Variants in HTR2C observed in about 807,000 individuals in gnomAD.
HTR2C encodes 5-hydroxytryptamine receptor 2C, also known as 5-hydroxytryptamine (serotonin) receptor 2C, G protein-coupled.
Under a neutral mutation model 21.0 loss-of-function variants are expected in HTR2C, and 5 were observed. The ratio of observed to expected loss-of-function variants is 0.24; its 90% CI spans 0.12 to 0.50. The LOEUF (loss-of-function observed/expected upper bound fraction) is 0.50. HTR2C is among the 20% of genes least tolerant of loss of function. The pLI is 0.98. For missense variants in HTR2C, 271 were observed against 371.2 expected (o/e 0.73, Z 2.22); for synonymous variants, 150 against 145.3 (o/e 1.03, Z -0.23).
At chrX:114,833,084 C>A (rs2070744832) in intron 4 of HTR2C, among the ~76,000 whole-genome samples, 1 of 90,120 alleles carries the variant, frequency 1.1e-5, no homozygotes, top group Non-Finnish European at 2.2e-5. Context: ...TTTTGATGTG[C>A]TGCTGGATTC....
intron 4 of HTR2C, among the ~76,000 whole-genome samples, chrX:114,746,194 G>A (rs1238394893): frequency 1.8e-5 from 2 of 110,758 alleles, no homozygotes; most frequent in African/African-American, 3.3e-5. Flanking sequence ...TGTACATTTC[G>A]GGAAGAAAAA....
intron 4 of HTR2C, among the ~76,000 whole-genome samples, chrX:114,744,946 A>G (rs60149800): frequency 0.067 from 7,498 of 111,831 alleles, 653 homozygotes; most frequent in African/African-American, 0.23. Flanking sequence ...TCTCTTAAAC[A>G]TATAAACTCC....
At chrX:114,602,820 G>A (rs1261623360) in intron 1 of HTR2C, among the ~76,000 whole-genome samples, 1 of 79,439 alleles carries the variant, frequency 1.3e-5, no homozygotes, top group African/African-American at 4.7e-5. Context: ...GCCAGTCCTG[G>A]GTGGGGCAAA....
At chrX:114,811,070 G>T (rs2070526541) in intron 4 of HTR2C, among the ~76,000 whole-genome samples, 1 of 111,698 alleles carries the variant, frequency 9.0e-6, no homozygotes, top group African/African-American at 3.3e-5. Context: ...TTCTTTGAAG[G>T]CTTGGAGTTC....
intron 4 of HTR2C, among the ~76,000 whole-genome samples, chrX:114,807,119 A>ACC (rs1482103201): frequency 3.7e-5 from 1 of 27,022 alleles, no homozygotes; most frequent in African/African-American, 1.7e-4. Context: ...GTATATATAT[A>ACC]CCATATATAC....
chrX:114,811,680 G>A (rs2070533231), intron 4 of HTR2C, among the ~76,000 whole-genome samples: 2 of 112,457 alleles, frequency 1.8e-5, no homozygotes, highest in Non-Finnish European at 3.7e-5. Context: ...AAGAGTAAAT[G>A]TTTTGTGTGA....
At chrX:114,592,300 T>G (rs1485006086) in intron 1 of HTR2C, among the ~76,000 whole-genome samples, 1 of 112,438 alleles carries the variant, frequency 8.9e-6, no homozygotes, top group Admixed American at 9.4e-5. Flanking sequence ...GAAAAACATT[T>G]GAATGCTGAG....
intron 2 of HTR2C, among the ~76,000 whole-genome samples, chrX:114,656,740 A>T (rs1930796150): frequency 9.0e-6 from 1 of 111,002 alleles, no homozygotes; most frequent in African/African-American, 3.3e-5. Flanking sequence ...GACTTTACAC[A>T]GAAACCTTCT....
At chrX:114,801,309 C>T (rs1411954363) in intron 4 of HTR2C, among the ~76,000 whole-genome samples, 4 of 111,044 alleles carry the variant, frequency 3.6e-5, no homozygotes, top group African/African-American at 1.3e-4. Context: ...ACTAATTTAC[C>T]TGGAATCTAA....
At chrX:114,658,194 A>C (rs1930857115) in intron 2 of HTR2C, among the ~76,000 whole-genome samples, 1 of 111,680 alleles carries the variant, frequency 9.0e-6, no homozygotes, top group African/African-American at 3.2e-5. Context: ...ACAACAAATA[A>C]AATTCCAGAA....
At chrX:114,758,821 T>C (rs975708705) in intron 4 of HTR2C, among the ~76,000 whole-genome samples, 3 of 111,777 alleles carry the variant, frequency 2.7e-5, no homozygotes, top group African/African-American at 9.8e-5. Flanking sequence ...TTCCCCCATG[T>C]TAAAAATTCC....
intron 2 of HTR2C, among the ~76,000 whole-genome samples, chrX:114,696,872 G>T (rs1932295254): frequency 9.0e-6 from 1 of 110,906 alleles, no homozygotes; most frequent in Non-Finnish European, 1.9e-5. Flanking sequence ...GCTCATAGTA[G>T]TTGCTTATTA....
chrX:114,635,530 C>T (rs1929808420), intron 2 of HTR2C, among the ~76,000 whole-genome samples: 1 of 112,098 alleles, frequency 8.9e-6, no homozygotes, highest in South Asian at 3.7e-4. Context: ...TGCTCTTCCA[C>T]TGGCTAACTT....
At chrX:114,591,620 A>G (rs782348041) in intron 1 of HTR2C, among the ~76,000 whole-genome samples, 2 of 111,831 alleles carry the variant, frequency 1.8e-5, no homozygotes, top group African/African-American at 3.2e-5. Flanking sequence ...ATTTCACGTA[A>G]GTAAATCTAT....
chrX:114,829,067 A>G (rs1200566418), intron 4 of HTR2C, among the ~76,000 whole-genome samples: 1 of 111,746 alleles, frequency 8.9e-6, no homozygotes, highest in Non-Finnish European at 1.9e-5. Context: ...AGTATCTATA[A>G]ATAGAATTGC....
chrX:114,874,572 G>A (rs1477929568), intron 5 of HTR2C, among the ~76,000 whole-genome samples: 1 of 109,876 alleles, frequency 9.1e-6, no homozygotes, highest in Non-Finnish European at 1.9e-5. Flanking sequence ...GCAATGGCAC[G>A]ATCTCGGCTC....
chrX:114,896,818 G>A (rs1189467017), intron 5 of HTR2C, among the ~76,000 whole-genome samples: 1 of 111,334 alleles, frequency 9.0e-6, no homozygotes, highest in African/African-American at 3.3e-5. Flanking sequence ...GTAACTAAAC[G>A]ATTTGGATCA....
chrX:114,900,388 C>A (rs782651925), intron 5 of HTR2C: 2 of 261,243 alleles, frequency 7.7e-6, no homozygotes, highest in African/African-American at 2.9e-5. Context: ...AACTTGGTGA[C>A]CTTGCCAGCT....
chrX:114,858,033 T>A (rs896636195), intron 5 of HTR2C, among the ~76,000 whole-genome samples: 14 of 111,164 alleles, frequency 1.3e-4, no homozygotes, highest in Admixed American at 2.9e-4. Context: ...TTGTTTCTCC[T>A]GGGCTATAAG....
Sources: allele counts gnomAD v4.1 joint callset (sites outside exome capture counted in the v4.1 genomes callset), GRCh38; gene constraint gnomAD v4.1.1; transcripts MANE v1.5; gene names NCBI Gene and HGNC (gene_info 2026-07-23, HGNC 2026-07-21).